Variants in THEM6 observed in about 807,000 individuals in gnomAD.
The protein encoded by THEM6 is thioesterase superfamily member 6.
THEM6 carries 10 observed loss-of-function variants against 13.7 expected under a neutral mutation model. That is an observed-to-expected ratio of 0.73 (90% confidence interval 0.45 to 1.24). THEM6 has a LOEUF of 1.24. THEM6 is among the 50% of genes most tolerant of loss of function. The pLI is 0.00. For synonymous variants in THEM6, 161 were observed against 156.0 expected, an observed-to-expected ratio of 1.03 and a Z score of -0.24; for missense variants, 317 against 312.6, an observed-to-expected ratio of 1.01 and a Z score of -0.11.
In THEM6 at chr8:142,735,637, CA is replaced by C. The variant is rs1349653889; in HGVS notation, c.*199del. The C allele has an allele frequency of 3.5e-6, 2 of 573,660 alleles. No homozygotes were observed. The highest frequency in any genetic ancestry group is 3.7e-5 in the African/African-American group (2 of 53,608). The allele number at this position is 573,660 out of a possible 1,614,324, so 35.5% of individuals were successfully genotyped here. A position where few individuals can be genotyped will look rare whatever the true frequency, so the allele number is the denominator to read the frequency against. On this transcript the variant is annotated 3_prime_UTR_variant, in exon 2 of 2. Coordinates refer to ENST00000336138, the MANE Select transcript of THEM6 (RefSeq NM_016647.3). ...CCACGCTAGGCAGAAGGAGGAGTGGCATTGGCATCCTGACCCAGCTCTGCCC... is the reference window on the plus strand; with the variant it reads ...CCACGCTAGGCAGAAGGAGGAGTGGCTTGGCATCCTGACCCAGCTCTGCCC...
At position 142,735,324 on chromosome 8, in the gene THEM6, AG is replaced by A. The variant is rs2130004676; in HGVS notation, c.514del. 1.3e-6 allele frequency: 2 copies of A among 1,553,588 alleles called. No individual in the cohort carries two copies. Among genetic ancestry groups the A allele is most frequent in the South Asian group, 2.4e-5 (2 of 84,294 alleles). On this transcript the variant is annotated splice_acceptor_variant, in intron 1 of 1. Transcript: ENST00000336138. LOFTEE classifies it high-confidence loss of function. ...TGGGTGTCCCCTTTCTGTCCTCTGC[AG>A]GTGGAGCCCCCTGAGCTGCCCGCTG...
chr8:142,733,054 G>A (rs1815687590), intron 1 of THEM6, among the ~76,000 whole-genome samples: 1 of 152,230 alleles, frequency 6.6e-6, no homozygotes, highest in Non-Finnish European at 1.5e-5. Context: ...ATAACCTGAC[G>A]CGTCCACCCT....
At chr8:142,733,686 T>C (rs962015324) in intron 1 of THEM6, among the ~76,000 whole-genome samples, 1 of 152,196 alleles carries the variant, frequency 6.6e-6, no homozygotes, top group Non-Finnish European at 1.5e-5. Flanking sequence ...TGTTGAGTCA[T>C]GTGAACCAAA....
chr8:142,734,840 G>GCTCC (rs940388397), intron 1 of THEM6: 5 of 160,540 alleles, frequency 3.1e-5, no homozygotes, highest in Admixed American at 3.0e-4. Context: ...CTGGAGCCTG[G>GCTCC]CTCCCATTGC....
rs908943090 is a variant in THEM6 at position 142,727,450 on chromosome 8, G to A, written c.104G>A (p.Arg35His). 1.3e-6 allele frequency: 2 copies of A among 1,559,328 alleles called. No homozygotes were observed. Among genetic ancestry groups the A allele is most frequent in the South Asian group, 1.2e-5 (1 of 86,262 alleles). Residue 35 changes from arginine to histidine, a missense_variant, in exon 1 of 2, where the codon CGC (arginine) becomes CAC (histidine). Physicochemically the swap from Arg to His is conservative, Grantham distance 29. Coordinates refer to ENST00000336138, the MANE Select transcript of THEM6 (RefSeq NM_016647.3). ...CTTCCGTGCGCCGTGCTGCGCGCGCGCCTGCTGCAGCCGCGCGTCCGTGAC... is the reference window on the plus strand; with the variant it reads ...CTTCCGTGCGCCGTGCTGCGCGCGCACCTGCTGCAGCCGCGCGTCCGTGAC... ...VRLPCAVLRA[R>H]LLQPRVRDLL...
chr8:142,731,756 C>A (rs1176515054), intron 1 of THEM6, among the ~76,000 whole-genome samples: 1 of 152,224 alleles, frequency 6.6e-6, no homozygotes, highest in African/African-American at 2.4e-5. Context: ...AGCCCCTGGG[C>A]ATGCACTGCC....
chr8:142,733,203 GA>G (rs1815690263), intron 1 of THEM6, among the ~76,000 whole-genome samples: 1 of 152,228 alleles, frequency 6.6e-6, no homozygotes, highest in Admixed American at 6.5e-5. Flanking sequence ...GGAATGCTGA[GA>G]AAGGTAAAAA....
chr8:142,732,009 CT>C (rs1216473938), intron 1 of THEM6, among the ~76,000 whole-genome samples: 1 of 151,044 alleles, frequency 6.6e-6, no homozygotes, highest in Non-Finnish European at 1.5e-5. Context: ...TCTCCTAGTT[CT>C]TTTTCCTGTC....
intron 1 of THEM6, among the ~76,000 whole-genome samples, chr8:142,733,331 A>C (rs1815692540): frequency 1.3e-5 from 2 of 152,230 alleles, no homozygotes; most frequent in Non-Finnish European, 2.9e-5. Flanking sequence ...AAAGTAGTAC[A>C]TTGCTTTCTT....
Position 142,735,367 on chromosome 8 carries a change from C to T in THEM6, c.555C>T (p.Ile185=), listed in dbSNP as rs1401153320. 56 of 1,578,174 alleles carry T rather than the reference C, an allele frequency of 3.5e-5. No homozygotes were observed. Among genetic ancestry groups the T allele is most frequent in the Non-Finnish European group, 4.8e-5 (56 of 1,162,210 alleles). The change falls in exon 2 of 2, where the codon ATC becomes ATT. Residue 185 remains isoleucine (I), a synonymous_variant. Coordinates refer to ENST00000336138, the MANE Select transcript of THEM6 (RefSeq NM_016647.3). ...TGCCCGCTGATCTGCAGCACTGGAT[C>T]TCCTACAACGAGGCCAGCAGCCAGC... ...PELPADLQHW[I]SYNEASSQLL... is the part of the protein sequence containing the mutation.
intron 1 of THEM6, among the ~76,000 whole-genome samples, chr8:142,730,805 C>T (rs1418334790): frequency 4.0e-5 from 6 of 149,108 alleles, no homozygotes; most frequent in East Asian, 2.0e-4. Flanking sequence ...AGTGCAGTGG[C>T]GCAATCTCAG....
chr8:142,727,835 C>G lies in THEM6; in HGVS notation c.489C>G (p.Val163=), dbSNP rs1563821021. 6 of 1,447,834 alleles carry G rather than the reference C, an allele frequency of 4.1e-6. No individual in the cohort carries two copies. The highest frequency in any genetic ancestry group is 5.4e-6 in the Non-Finnish European group (6 of 1,108,880). 89.7% of individuals were successfully genotyped at this position (1,447,834 alleles called of 1,614,324 possible). A position where few individuals can be genotyped will look rare whatever the true frequency, so the allele number is the denominator to read the frequency against. ...TGCTGGGCACCTCACCCGAGCGCGT[C>G]GTGCAGCACCTGTGCCAGCGCAGGG... ...QHLLGTSPER[V]VQHLCQRRVE... is the part of the protein sequence containing the mutation. Residue 163 remains valine (V), a synonymous_variant, in exon 1 of 2, where the codon GTC becomes GTG. Coordinates refer to ENST00000336138, the MANE Select transcript of THEM6 (RefSeq NM_016647.3).
At chr8:142,732,161 AATATATAT>A (rs59428096) in intron 1 of THEM6, among the ~76,000 whole-genome samples, 731 of 37,220 alleles carry the variant, frequency 0.02, 36 homozygotes, top group African/African-American at 0.035. Context: ...GGGAGTTTTG[AATATATAT>A]ATATATATAT....
In THEM6 at chr8:142,727,832, C is replaced by A; in HGVS notation, c.486C>A (p.Arg162=). 2 of 1,456,286 alleles carry A rather than the reference C, an allele frequency of 1.4e-6. No homozygotes were observed. Among genetic ancestry groups the A allele is most frequent in the Non-Finnish European group, 1.8e-6 (2 of 1,112,832 alleles). The allele number at this position is 1,456,286 out of a possible 1,614,324, so 90.2% of individuals were successfully genotyped here. ...ACCTGCTGGGCACCTCACCCGAGCG[C>A]GTCGTGCAGCACCTGTGCCAGCGCA... The part of the protein sequence containing the change: ...RQHLLGTSPE[R]VVQHLCQRRV... The change falls in exon 1 of 2, where the codon CGC becomes CGA. Residue 162 remains arginine (R), a synonymous_variant. Transcript: ENST00000336138.
At chr8:142,728,238 A>C (rs1255339345) in intron 1 of THEM6, among the ~76,000 whole-genome samples, 1 of 152,072 alleles carries the variant, frequency 6.6e-6, no homozygotes, top group East Asian at 1.9e-4. Context: ...TGGAGAGGTG[A>C]TCAGTTAGAA....
At position 142,735,576 on chromosome 8, in the gene THEM6, G is replaced by C. The variant is rs959333367; in HGVS notation, c.*137G>C. The C allele has an allele frequency of 2.4e-5, 16 of 666,646 alleles. No individual in the cohort carries two copies. The highest frequency in any genetic ancestry group is 1.8e-4 in the African/African-American group (10 of 56,434). The allele number at this position is 666,646 out of a possible 1,614,324, so 41.3% of individuals were successfully genotyped here. On this transcript the variant is annotated 3_prime_UTR_variant, in exon 2 of 2. Transcript: ENST00000336138. Reference sequence around the variant, plus strand: ...TGGCCCACCCTGCTCCACCCACTGGGCCCCCCCAGTTATTGATACCCCTCT... The same window carrying C: ...TGGCCCACCCTGCTCCACCCACTGGCCCCCCCCAGTTATTGATACCCCTCT...
intron 1 of THEM6, among the ~76,000 whole-genome samples, chr8:142,728,798 G>C (rs1455491433): frequency 6.6e-6 from 1 of 152,192 alleles, no homozygotes; most frequent in African/African-American, 2.4e-5. Flanking sequence ...CCAGTAGCAT[G>C]TTCCTGTAAG....
intron 1 of THEM6, among the ~76,000 whole-genome samples, chr8:142,733,225 T>C (rs587760076): frequency 6.6e-6 from 1 of 152,242 alleles, no homozygotes; most frequent in South Asian, 2.1e-4. Flanking sequence ...CACCTTCAAA[T>C]AAGGAAGAGG....
At chr8:142,729,296 C>A (rs768171923) in intron 1 of THEM6, among the ~76,000 whole-genome samples, 2 of 152,196 alleles carry the variant, frequency 1.3e-5, no homozygotes, top group African/African-American at 4.8e-5. Context: ...AATTTAATTT[C>A]CTCAGCAAGG....
Sources: allele counts gnomAD v4.1 joint callset (sites outside exome capture counted in the v4.1 genomes callset), GRCh38; gene constraint gnomAD v4.1.1; transcripts MANE v1.5; gene names NCBI Gene and HGNC (gene_info 2026-07-23, HGNC 2026-07-21).